The following SLC14A2 variants were observed in gnomAD, a reference collection of about 807,000 sequenced individuals.
SLC14A2 encodes urea transporter 2.
In SLC14A2, 91 loss-of-function variants were observed where a neutral mutation model predicts 104.6. That is an observed-to-expected ratio of 0.87 (90% CI 0.73 to 1.04). The LOEUF is 1.04. SLC14A2 is among the 50% of genes least tolerant of loss of function. The pLI, the probability that SLC14A2 is intolerant of heterozygous loss-of-function variation, is 0.00. For missense variants in SLC14A2, 1,189 were observed against 1,156.0 expected (o/e 1.03, Z -0.41); for synonymous variants, 476 against 466.4 (o/e 1.02, Z -0.27).
intron 10 of SLC14A2, chr18:45,646,784 A>G (rs895634923): frequency 6.6e-6 from 1 of 152,028 alleles, no homozygotes; most frequent in Non-Finnish European, 1.5e-5. Context: ...GGGTAGGTAA[A>G]AGATCTCTAA....
chr18:45,615,836 T>TGTGAGA (rs752876528), intron 1 of SLC14A2, among the ~76,000 whole-genome samples: 2,303 of 148,574 alleles, frequency 0.016, 55 homozygotes, highest in African/African-American at 0.055. Flanking sequence ...TGTGTGTGTG[T>TGTGAGA]GAGAGAGAGA....
the SLC14A2 span, among the ~76,000 whole-genome samples, chr18:45,180,239 G>A: frequency 2.0e-5 from 3 of 152,252 alleles, no homozygotes; most frequent in South Asian, 2.1e-4. Context: ...TGTTGCTAAC[G>A]AGTCATGTGA....
chr18:45,450,567 G>T (rs2086841425), intron 1 of SLC14A2, among the ~76,000 whole-genome samples: 1 of 152,174 alleles, frequency 6.6e-6, no homozygotes. Context: ...GATGAACTTA[G>T]GGTGGGACCC....
At chr18:45,393,129 ATGT>A (rs1442151349) in intron 1 of SLC14A2, among the ~76,000 whole-genome samples, 2 of 152,238 alleles carry the variant, frequency 1.3e-5, no homozygotes, top group African/African-American at 4.8e-5. Flanking sequence ...AGAGTTCTGG[ATGT>A]TGTTACAGTA....
intron 1 of SLC14A2, among the ~76,000 whole-genome samples, chr18:45,302,545 A>G (rs148815393): frequency 1.3e-5 from 2 of 152,272 alleles, no homozygotes; most frequent in South Asian, 2.1e-4. Context: ...TCTTTCCACA[A>G]TGTCTGCCCT....
chr18:45,598,486 G>A (rs2044744748), intron 2 of SLC14A2, among the ~76,000 whole-genome samples: 1 of 152,100 alleles, frequency 6.6e-6, no homozygotes, highest in South Asian at 2.1e-4. Context: ...TCCTTTTTAA[G>A]TCCCTTCCTC....
chr18:45,209,191 A>AAAG (rs3035498), upstream of SLC14A2, among the ~76,000 whole-genome samples: 2,355 of 150,564 alleles, frequency 0.016, 76 homozygotes, highest in African/African-American at 0.053. Flanking sequence ...AAAAAAAAAA[A>AAAG]AAAAAAAATC....
At chr18:45,445,082 A>G (rs941662870) in intron 1 of SLC14A2, among the ~76,000 whole-genome samples, 7 of 149,012 alleles carry the variant, frequency 4.7e-5, no homozygotes, top group African/African-American at 1.7e-4. Flanking sequence ...GCAGATGTTT[A>G]ACTCTTTGTG....
chr18:45,354,551 C>T (rs2085533208), intron 1 of SLC14A2, among the ~76,000 whole-genome samples: 1 of 152,216 alleles, frequency 6.6e-6, no homozygotes, highest in African/African-American at 2.4e-5. Context: ...AGCGTGTCCT[C>T]ACATCCCAGA....
At chr18:45,384,525 A>T (rs903547444) in intron 1 of SLC14A2, among the ~76,000 whole-genome samples, 1 of 152,130 alleles carries the variant, frequency 6.6e-6, no homozygotes, top group Admixed American at 6.5e-5. Flanking sequence ...CCCCTGAGTC[A>T]CCCCCAACCT....
intron 3 of SLC14A2, among the ~76,000 whole-genome samples, chr18:45,626,494 A>G (rs2045258909): frequency 1.3e-5 from 2 of 151,860 alleles, no homozygotes; most frequent in African/African-American, 2.4e-5. Flanking sequence ...GGCTACAACA[A>G]TTTCTTCCCT....
chr18:45,217,843 C>T (rs2084024616), intron 1 of SLC14A2, among the ~76,000 whole-genome samples: 1 of 152,160 alleles, frequency 6.6e-6, no homozygotes, highest in African/African-American at 2.4e-5. Context: ...TTCAAAGCTG[C>T]TGTGTTGCTT....
intron 2 of SLC14A2, among the ~76,000 whole-genome samples, chr18:45,574,570 C>T (rs891159852): frequency 2.0e-5 from 3 of 152,222 alleles, no homozygotes; most frequent in African/African-American, 4.8e-5. Context: ...TGCCTCTGCC[C>T]TTTGCACAGA....
chr18:45,628,902 T>C (rs546458023), intron 4 of SLC14A2, among the ~76,000 whole-genome samples: 90 of 152,208 alleles, frequency 5.9e-4, no homozygotes, highest in Non-Finnish European at 1.1e-3. Context: ...TCTTATTAAC[T>C]GTGACTCTTA....
intron 1 of SLC14A2, among the ~76,000 whole-genome samples, chr18:45,251,727 A>T (rs1360001361): frequency 6.6e-6 from 1 of 152,186 alleles, no homozygotes; most frequent in Admixed American, 6.5e-5. Flanking sequence ...GTCATAGTGG[A>T]TTAAGGCCTA....
chr18:45,407,534 T>C (rs1209209613), intron 1 of SLC14A2, among the ~76,000 whole-genome samples: 1 of 152,246 alleles, frequency 6.6e-6, no homozygotes, highest in Non-Finnish European at 1.5e-5. Flanking sequence ...TCAAGAACTT[T>C]TCCTTTGCAT....
intron 3 of SLC14A2, among the ~76,000 whole-genome samples, chr18:45,626,124 C>T (rs944947670): frequency 6.6e-6 from 1 of 152,152 alleles, no homozygotes; most frequent in Non-Finnish European, 1.5e-5. Context: ...TAGTTCTTTG[C>T]AAATTGCTCG....
At chr18:45,448,745 T>A (rs2086811853) in intron 1 of SLC14A2, among the ~76,000 whole-genome samples, 1 of 152,214 alleles carries the variant, frequency 6.6e-6, no homozygotes, top group South Asian at 2.1e-4. Context: ...TCTTCATTCA[T>A]GTATTTATTT....
chr18:45,276,554 C>A (rs1257318599), intron 1 of SLC14A2, among the ~76,000 whole-genome samples: 1 of 152,142 alleles, frequency 6.6e-6, no homozygotes, highest in Non-Finnish European at 1.5e-5. Flanking sequence ...TCATTGATAT[C>A]TGATAGAAAA....
Sources: allele counts gnomAD v4.1 joint callset (sites outside exome capture counted in the v4.1 genomes callset), GRCh38; gene constraint gnomAD v4.1.1; transcripts MANE v1.5; gene names NCBI Gene and HGNC (gene_info 2026-07-23, HGNC 2026-07-21).